Variants in L3MBTL3 observed in about 807,000 individuals in gnomAD.
The protein encoded by L3MBTL3 is L3MBTL histone methyl-lysine binding protein 3, also known as lethal(3)malignant brain tumor-like protein 3.
Under a neutral mutation model 102.3 loss-of-function variants are expected in L3MBTL3, and 27 were observed. The ratio of observed to expected loss-of-function variants is 0.26; its 90% CI spans 0.19 to 0.36. The LOEUF is 0.36. L3MBTL3 is among the 10% of genes least tolerant of loss of function. The pLI is 1.00. For missense variants in L3MBTL3, 798 were observed against 955.3 expected (o/e 0.84, Z 2.17); for synonymous variants, 340 against 320.9 (o/e 1.06, Z -0.64).
At chr6:130,102,629 C>T (rs1784762045) in intron 18 of L3MBTL3, among the ~76,000 whole-genome samples, 1 of 152,172 alleles carries the variant, frequency 6.6e-6, no homozygotes. Context: ...ATCCCCATCA[C>T]ACTCTAGCCA....
At chr6:130,025,176 A>G (rs1375563025) in intron 2 of L3MBTL3, among the ~76,000 whole-genome samples, 4 of 152,170 alleles carry the variant, frequency 2.6e-5, no homozygotes, top group Non-Finnish European at 5.9e-5. Context: ...GTTCCTCACA[A>G]GGATTTGGGA....
At chr6:130,067,121 A>G (rs1353032430) in intron 11 of L3MBTL3, among the ~76,000 whole-genome samples, 3 of 152,034 alleles carry the variant, frequency 2.0e-5, no homozygotes, top group East Asian at 1.9e-4. Flanking sequence ...AGTATTCCCT[A>G]ATTTTTTTTT....
intron 7 of L3MBTL3, among the ~76,000 whole-genome samples, chr6:130,053,467 T>G (rs1452600182): frequency 6.6e-6 from 1 of 151,888 alleles, no homozygotes; most frequent in Non-Finnish European, 1.5e-5. Flanking sequence ...AACCCCTTCC[T>G]TACTAAAAAT....
chr6:130,052,183 G>A (rs1320888479), intron 6 of L3MBTL3, among the ~76,000 whole-genome samples: 1 of 151,182 alleles, frequency 6.6e-6, no homozygotes, highest in East Asian at 1.9e-4. Flanking sequence ...TTGGCTCACT[G>A]CAACCTCCAC....
At chr6:130,102,052 C>A (rs1013503782) in intron 18 of L3MBTL3, among the ~76,000 whole-genome samples, 7 of 152,000 alleles carry the variant, frequency 4.6e-5, no homozygotes, top group African/African-American at 1.2e-4. Context: ...TCCACAATTT[C>A]TGATATTACC....
In L3MBTL3 at chr6:130,059,862, A is replaced by G. The variant is rs111694321; in HGVS notation, c.760-174A>G. On this transcript the variant is annotated intron_variant, in intron 9 of 22. Coordinates refer to ENST00000361794, the MANE Select transcript of L3MBTL3 (RefSeq NM_032438.4). ...CATTACATTTCCTTTCCTGGGACCT[A>G]TTTGTAGCCTTGGTCCATTTTTTCA... Among the ~76,000 whole-genome samples the G allele has an allele frequency of 6.5e-4, 99 of 152,250 alleles. 2 individuals carry two copies. The highest frequency in any genetic ancestry group is 3.4e-3 in the Middle Eastern group (1 of 294).
In L3MBTL3 at chr6:130,092,847, C is replaced by G. The variant is rs1784142713; in HGVS notation, c.1621C>G (p.Gln541Glu). Reference sequence around the variant, plus strand: ...GTGTTCAAAAACAGGACATCCCCTTCAGCCTCCTTTGAGTAAGAGACACGA... The same window carrying G: ...GTGTTCAAAAACAGGACATCCCCTTGAGCCTCCTTTGAGTAAGAGACACGA... ...GWCSKTGHPL[Q>E]PPLSPLELME... is the part of the protein sequence containing the mutation. The change falls in exon 17 of 23, where the codon CAG becomes GAG. Residue 541 changes from glutamine to glutamate, a missense_variant. Around this residue, in one of 4 missense-constraint regions of L3MBTL3, gnomAD observed 306 missense variants for 314.4 expected, o/e 0.97. Transcript: ENST00000361794. 4 of 1,597,028 alleles carry G rather than the reference C, an allele frequency of 2.5e-6. No individual in the cohort carries two copies. In the South Asian group the frequency reaches 4.4e-5, roughly 18 times the overall value.
intron 2 of L3MBTL3, among the ~76,000 whole-genome samples, chr6:130,027,511 G>A (rs1779428140): frequency 6.6e-6 from 1 of 152,104 alleles, no homozygotes; most frequent in South Asian, 2.1e-4. Flanking sequence ...TCACCGTATT[G>A]GTTTGTGGTC....
chr6:130,056,323 A>G (rs1781507404), intron 8 of L3MBTL3, among the ~76,000 whole-genome samples: 1 of 151,952 alleles, frequency 6.6e-6, no homozygotes, highest in African/African-American at 2.4e-5. Context: ...GTCTTGATGT[A>G]CTTTTCTGCT....
chr6:130,108,219 G>T (rs1785102923), intron 19 of L3MBTL3, among the ~76,000 whole-genome samples: 2 of 104,270 alleles, frequency 1.9e-5, no homozygotes, highest in South Asian at 2.7e-4. Flanking sequence ...AATGTTAGGT[G>T]GTTTTTTTTT....
chr6:130,079,813 G>GTAAATGATCA (rs1783201063), intron 14 of L3MBTL3, among the ~76,000 whole-genome samples: 3 of 152,240 alleles, frequency 2.0e-5, no homozygotes, highest in African/African-American at 7.2e-5. Flanking sequence ...TCACTCAGGA[G>GTAAATGATCA]GACCTATCAT....
chr6:130,034,979 G>C (rs923930567), intron 2 of L3MBTL3, among the ~76,000 whole-genome samples: 9 of 152,154 alleles, frequency 5.9e-5, no homozygotes, highest in Admixed American at 3.9e-4. Context: ...TATAGTTAAC[G>C]AGTACTAGTT....
At chr6:130,086,092 C>T in intron 15 of L3MBTL3, 48 bp from the exon 16 acceptor site, 1 of 1,231,300 alleles carries the variant, frequency 8.1e-7, no homozygotes, top group Non-Finnish European at 1.2e-6. Context: ...ATCAAGTTTA[C>T]CTTCTCTTCC....
At chr6:130,038,210 A>G (rs745769743) in intron 2 of L3MBTL3, among the ~76,000 whole-genome samples, 3 of 152,092 alleles carry the variant, frequency 2.0e-5, no homozygotes, top group Admixed American at 6.5e-5. Flanking sequence ...CTTGGCTCTC[A>G]AGAATAGTGC....
intron 2 of L3MBTL3, among the ~76,000 whole-genome samples, chr6:130,034,893 T>C (rs1795363201): frequency 6.6e-6 from 1 of 152,208 alleles, no homozygotes; most frequent in Non-Finnish European, 1.5e-5. Flanking sequence ...AGTCTGCGAA[T>C]GCATACCTGA....
Position 130,052,849 on chromosome 6 carries a change from A to T in L3MBTL3, c.450-10A>T. ...CTCTTGTCACTATTTTGGGTTTATAAACACAACAGAGATCAGAAGGAAGAA... is the reference window on the plus strand; with the variant it reads ...CTCTTGTCACTATTTTGGGTTTATATACACAACAGAGATCAGAAGGAAGAA... On this transcript the variant is annotated splice_polypyrimidine_tract_variant and intron_variant, in intron 6 of 22. Coordinates refer to ENST00000361794, the MANE Select transcript of L3MBTL3 (RefSeq NM_032438.4). The T allele has an allele frequency of 6.2e-7, 1 of 1,610,942 alleles. No homozygotes were observed.
chr6:130,038,005 A>G (rs1267424376), intron 2 of L3MBTL3, among the ~76,000 whole-genome samples: 5 of 152,054 alleles, frequency 3.3e-5, no homozygotes, highest in African/African-American at 1.2e-4. Flanking sequence ...TAGCTCTCAC[A>G]TATGAATGAG....
At chr6:130,079,469 G>A (rs950361605) in intron 14 of L3MBTL3, among the ~76,000 whole-genome samples, 5 of 152,130 alleles carry the variant, frequency 3.3e-5, no homozygotes, top group Admixed American at 3.3e-4. Context: ...AGATTCTGCG[G>A]TTTCTTCATA....
rs561229400 is a variant in L3MBTL3 at position 130,033,069 on chromosome 6, C to T, written c.-15-9616C>T. On this transcript the variant is annotated intron_variant, in intron 2 of 22. Coordinates refer to ENST00000361794, the MANE Select transcript of L3MBTL3 (RefSeq NM_032438.4). ...AATTGTCAAACCTTGGAAAGTGATACGAAGAGGAGGAAAAGAAGGAAGTAG... is the reference window on the plus strand; with the variant it reads ...AATTGTCAAACCTTGGAAAGTGATATGAAGAGGAGGAAAAGAAGGAAGTAG... Among the ~76,000 whole-genome samples, 333 of 151,604 alleles carry T rather than the reference C, an allele frequency of 2.2e-3. 2 individuals carry two copies. The highest frequency in any genetic ancestry group is 3.6e-3 in the Non-Finnish European group (242 of 67,950).
Sources: allele counts gnomAD v4.1 joint callset (sites outside exome capture counted in the v4.1 genomes callset), GRCh38; gene constraint gnomAD v4.1.1; regional missense constraint gnomAD v4.1.1; transcripts MANE v1.5; gene names NCBI Gene and HGNC (gene_info 2026-07-23, HGNC 2026-07-21).